KCNS2: variants seen among roughly 807,000 people sequenced by gnomAD.
KCNS2 encodes the protein potassium voltage-gated channel modifier subfamily S member 2.
KCNS2 carries 15 observed loss-of-function variants against 28.3 expected under a neutral mutation model. The observed-to-expected ratio is 0.53, with a 90% CI of 0.35 to 0.82. KCNS2 has a LOEUF of 0.82. Among genes scored for constraint, KCNS2 ranks in the 40% least tolerant of loss-of-function variants. The pLI is 0.01. For synonymous variants in KCNS2, 254 were observed against 256.7 expected, an observed-to-expected ratio of 0.99 and a Z score of 0.10; for missense variants, 501 against 617.1, an observed-to-expected ratio of 0.81 and a Z score of 1.99.
In KCNS2 at chr8:98,429,033, AAGG is replaced by A. The variant is rs1167347146; in HGVS notation, c.1060_1062del (p.Glu354del). On this transcript the variant is annotated inframe_deletion, in exon 2 of 2. Transcript: ENST00000287042. ...CTCCGTGGTGGCCTACACCATTGAA[AAGG>A]AGGAGAACGAGGGCCTGGCCACCAT... The A allele has an allele frequency of 1.2e-6, 2 of 1,613,626 alleles. No homozygotes were observed. The highest frequency in any genetic ancestry group is 1.7e-6 in the Non-Finnish European group (2 of 1,179,648).
chr8:98,429,612 G>A lies in KCNS2; in HGVS notation c.*199G>A. ...GTGGTGTGTCTGACACCATGCCTTT[G>A]CACCTTTCCATGAAATGACACTCAC... On this transcript the variant is annotated 3_prime_UTR_variant, in exon 2 of 2. Transcript: ENST00000287042. 1 of 548,178 alleles carries A rather than the reference G, an allele frequency of 1.8e-6. No homozygotes were observed. The highest frequency in any genetic ancestry group is 3.3e-6 in the Non-Finnish European group (1 of 304,210). The allele number at this position is 548,178 out of a possible 1,614,324, so 34.0% of individuals were successfully genotyped here. A position where few individuals can be genotyped will look rare whatever the true frequency, so the allele number is the denominator to read the frequency against.
Position 98,428,842 on chromosome 8 carries a change from C to T in KCNS2, c.863C>T (p.Ala288Val). Residue 288 changes from alanine to valine, a missense_variant, in exon 2 of 2, where the codon GCC becomes GTC. Transcript: ENST00000287042. This position sits in a 1 kb window ranked among gnomAD's most constrained non-coding sequence, Gnocchi z 6.7. Reference sequence around the variant, plus strand: ...GTGGTGGAGAGCACACCTACTTTAGCCAACTTGGGCAGGGTGGCCCAGGTC... The same window carrying T: ...GTGGTGGAGAGCACACCTACTTTAGTCAACTTGGGCAGGGTGGCCCAGGTC... ...NLVVESTPTL[A>V]NLGRVAQVLR... The T allele has an allele frequency of 1.2e-6, 2 of 1,614,150 alleles. No individual in the cohort carries two copies. Among genetic ancestry groups the T allele is most frequent in the Non-Finnish European group, 1.7e-6 (2 of 1,180,038 alleles).
Position 98,429,262 on chromosome 8 carries a change from G to A in KCNS2, c.1283G>A (p.Arg428His), listed in dbSNP as rs377211918. Residue 428 changes from arginine (R) to histidine (H), a missense_variant, in exon 2 of 2, where the codon CGC (arginine) becomes CAC (histidine). Physicochemically the swap from Arg to His is conservative, Grantham distance 29. Transcript: ENST00000287042. ...RRQKQLESAMRSCDFGDGMKE... is the reference protein window; with the variant it reads ...RRQKQLESAMHSCDFGDGMKE... ...CAAAAGCAACTTGAGAGTGCCATGC[G>A]CAGCTGTGACTTTGGAGATGGAATG... is the stretch of plus-strand genomic sequence containing the variant. 6.5e-5 allele frequency: 105 copies of A among 1,613,966 alleles called. No individual in the cohort carries two copies. The highest frequency in any genetic ancestry group is 1.6e-4 in the Middle Eastern group (1 of 6,084).
In KCNS2 at chr8:98,430,443, T is replaced by G. The variant is rs1241250352; in HGVS notation, c.*1030T>G. 1 of 167,086 alleles carries G rather than the reference T, an allele frequency of 6.0e-6. No homozygotes were observed. Among genetic ancestry groups the G allele is most frequent in the East Asian group, 1.9e-4 (1 of 5,208 alleles). The allele number at this position is 167,086 out of a possible 1,614,324, so 10.4% of individuals were successfully genotyped here. ...TGTATCGTCTCCCTGAGGTGAACGTTGTTGGGTTGCTAGCAAGGGCAGTAG... is the reference window on the plus strand; with the variant it reads ...TGTATCGTCTCCCTGAGGTGAACGTGGTTGGGTTGCTAGCAAGGGCAGTAG... On this transcript the variant is annotated 3_prime_UTR_variant, in exon 2 of 2. Coordinates refer to ENST00000287042, the MANE Select transcript of KCNS2 (RefSeq NM_020697.4).
At position 98,432,843 on chromosome 8, in the gene KCNS2, G is replaced by T. The variant is rs1407531078; in HGVS notation, c.*3430G>T. On this transcript the variant is annotated 3_prime_UTR_variant, in exon 2 of 2. Transcript: ENST00000287042. ...TACTGTGCAAGCATTGACACAGGCT[G>T]CACTGAACCATTATGTCTGATTGCT... is the stretch of plus-strand genomic sequence containing the variant. 1.8e-5 allele frequency: 3 copies of T among 166,592 alleles called. No homozygotes were observed. Among genetic ancestry groups the T allele is most frequent in the African/African-American group, 7.2e-5 (3 of 41,456 alleles). The allele number at this position is 166,592 out of a possible 1,614,324, so 10.3% of individuals were successfully genotyped here.
In KCNS2 at chr8:98,429,042, A is replaced by T. The variant is rs775985081; in HGVS notation, c.1063A>T (p.Asn355Tyr). ...VVAYTIEKEE[N>Y]EGLATIPACW... is the part of the protein sequence containing the mutation. ...GGCCTACACCATTGAAAAGGAGGAG[A>T]ACGAGGGCCTGGCCACCATCCCTGC... Residue 355 changes from asparagine (N) to tyrosine (Y), a missense_variant, in exon 2 of 2, where the codon AAC becomes TAC. Physicochemically the swap from Asn to Tyr is moderately radical, Grantham distance 143. Transcript: ENST00000287042. The T allele has an allele frequency of 1.9e-6, 3 of 1,613,076 alleles. No individual in the cohort carries two copies. The South Asian group carries it at 3.3e-5, about 18-fold the overall frequency.
In KCNS2 at chr8:98,429,362, C is replaced by T. The variant is rs1183433519; in HGVS notation, c.1383C>T (p.Asn461=). The change falls in exon 2 of 2, where the codon AAC becomes AAT. Residue 461 remains asparagine (N), a synonymous_variant. Coordinates refer to ENST00000287042, the MANE Select transcript of KCNS2 (RefSeq NM_020697.4). The stretch of plus-strand genomic sequence containing the variant: ...AATCCCTTATGGCAAGCCTGACGAA[C>T]ATGAGCAGGAGCTCACCAAGTGAAC... The part of the protein sequence containing the change: ...KVKSLMASLT[N]MSRSSPSELS... 1 of 1,614,092 alleles carries T rather than the reference C, an allele frequency of 6.2e-7. No individual in the cohort carries two copies. The highest frequency in any genetic ancestry group is 8.5e-7 in the Non-Finnish European group (1 of 1,179,942).
At chr8:98,427,407 T>A (rs1308383181) in intron 1 of KCNS2, 78 bp downstream of exon 1, 3 of 152,002 alleles carry the variant, frequency 2.0e-5, no homozygotes, top group Non-Finnish European at 4.4e-5. Context: ...CCCCGGGGCA[T>A]AGCGCCAGGC....
rs1322013787 is a variant in KCNS2 at position 98,428,530 on chromosome 8, T to C, written c.551T>C (p.Val184Ala). 3 of 1,614,170 alleles carry C rather than the reference T, an allele frequency of 1.9e-6. No homozygotes were observed. The Admixed American group carries it at 5.0e-5, about 27-fold the overall frequency. The change falls in exon 2 of 2, where the codon GTG becomes GCG. Residue 184 changes from valine (V) to alanine (A), a missense_variant. Physicochemically the swap from Val to Ala is moderately conservative, Grantham distance 64 (BLOSUM62 0). Coordinates refer to ENST00000287042, the MANE Select transcript of KCNS2 (RefSeq NM_020697.4). This position sits in a 1 kb window ranked among gnomAD's most constrained non-coding sequence, Gnocchi z 6.7. ...GCGCTGGACAACCCCGGCTACTCAG[T>C]GCTGAGCAGGGTCTTCAGCATCCTG... is the stretch of plus-strand genomic sequence containing the variant. Reference protein sequence around the residue: ...WLALDNPGYSVLSRVFSILSI... With the variant: ...WLALDNPGYSALSRVFSILSI...
At position 98,431,875 on chromosome 8, in the gene KCNS2, A is replaced by G. The variant is rs529210274; in HGVS notation, c.*2462A>G. On this transcript the variant is annotated 3_prime_UTR_variant, in exon 2 of 2. Coordinates refer to ENST00000287042, the MANE Select transcript of KCNS2 (RefSeq NM_020697.4). ...TACATATATACTTATATAAAATATT[A>G]TCTTGCCCAACTGGACCTTTACTCA... is the stretch of plus-strand genomic sequence containing the variant. 2 of 167,164 alleles carry G rather than the reference A, an allele frequency of 1.2e-5. No homozygotes were observed. Among genetic ancestry groups the G allele is most frequent in the South Asian group, 4.1e-4 (2 of 4,820 alleles). The allele number at this position is 167,164 out of a possible 1,614,324, so 10.4% of individuals were successfully genotyped here. A position where few individuals can be genotyped will look rare whatever the true frequency, so the allele number is the denominator to read the frequency against.
At position 98,432,267 on chromosome 8, in the gene KCNS2, A is replaced by G. The variant is rs115714999; in HGVS notation, c.*2854A>G. The G allele has an allele frequency of 1.0e-3, 174 of 167,164 alleles. No homozygotes were observed. Among genetic ancestry groups the G allele is most frequent in the African/African-American group, 3.6e-3 (150 of 41,594 alleles). 10.4% of individuals were successfully genotyped at this position (167,164 alleles called of 1,614,324 possible). ...TAAACCTCCTTTAGGGGGACAGAGT[A>G]GAAACTGGAGATGACTTGTTTCCAG... On this transcript the variant is annotated 3_prime_UTR_variant, in exon 2 of 2. Transcript: ENST00000287042.
At position 98,428,196 on chromosome 8, in the gene KCNS2, C is replaced by A. The variant is rs567295212; in HGVS notation, c.217C>A (p.Arg73Ser). 6 of 1,614,006 alleles carry A rather than the reference C, an allele frequency of 3.7e-6. No individual in the cohort carries two copies. The highest frequency in any genetic ancestry group is 5.1e-6 in the Non-Finnish European group (6 of 1,180,034). Residue 73 changes from arginine (R) to serine (S), a missense_variant, in exon 2 of 2, where the codon CGC becomes AGC. Arg to Ser is a moderately radical substitution (Grantham distance 110, BLOSUM62 -1). Coordinates refer to ENST00000287042, the MANE Select transcript of KCNS2 (RefSeq NM_020697.4). This position sits in a 1 kb window ranked among gnomAD's most constrained non-coding sequence, Gnocchi z 6.7. The stretch of plus-strand genomic sequence containing the variant: ...CGTCCAGCGGGAGTTCTACTTCGAC[C>A]GCAACCCTGAGCTCTTCCCCTACGT... Reference protein sequence around the residue: ...DDVQREFYFDRNPELFPYVLH... With the variant: ...DDVQREFYFDSNPELFPYVLH...
Position 98,429,133 on chromosome 8 carries a change from C to A in KCNS2, c.1154C>A (p.Thr385Lys), listed in dbSNP as rs201873843. 1.7e-5 allele frequency: 27 copies of A among 1,613,232 alleles called. No homozygotes were observed. Among genetic ancestry groups the A allele is most frequent in the African/African-American group, 2.7e-5 (2 of 74,890 alleles). The change falls in exon 2 of 2, where the codon ACG (threonine) becomes AAG (lysine). Residue 385 changes from threonine (T) to lysine (K), a missense_variant. Physicochemically the swap from Thr to Lys is moderately conservative, Grantham distance 78. Coordinates refer to ENST00000287042, the MANE Select transcript of KCNS2 (RefSeq NM_020697.4). ...TACGGGGATGTGGTCCCAGGGACCA[C>A]GGCAGGAAAGCTGACTGCCTCTGCC... ...VGYGDVVPGT[T>K]AGKLTASACI...
rs1249157897 is a variant in KCNS2 at position 98,428,564 on chromosome 8, G to T, written c.585G>T (p.Leu195=). The T allele has an allele frequency of 6.2e-7, 1 of 1,614,154 alleles. No homozygotes were observed. Among genetic ancestry groups the T allele is most frequent in the Non-Finnish European group, 8.5e-7 (1 of 1,180,042 alleles). ...GGGTCTTCAGCATCCTGTCCATCCT[G>T]GTGGTGATGGGGTCCATCATCACCA... ...LSRVFSILSI[L]VVMGSIITMC... is the part of the protein sequence containing the mutation. Residue 195 remains leucine (L), a synonymous_variant, in exon 2 of 2, where the codon CTG becomes CTT. Transcript: ENST00000287042. The surrounding 1 kb of genome is among the most constrained non-coding windows in gnomAD (Gnocchi z 6.7).
rs997560304 is a variant in KCNS2 at position 98,432,540 on chromosome 8, G to A, written c.*3127G>A. On this transcript the variant is annotated 3_prime_UTR_variant, in exon 2 of 2. Transcript: ENST00000287042. Reference sequence around the variant, plus strand: ...GTAATGCCAAGCTGATTTGTAGCTCGTAAGGTAGTAATTGGTATTTAACAT... The same window carrying A: ...GTAATGCCAAGCTGATTTGTAGCTCATAAGGTAGTAATTGGTATTTAACAT... 5.4e-5 allele frequency: 9 copies of A among 167,064 alleles called. No homozygotes were observed. Among genetic ancestry groups the A allele is most frequent in the African/African-American group, 1.7e-4 (7 of 41,440 alleles). The allele number at this position is 167,064 out of a possible 1,614,324, so 10.3% of individuals were successfully genotyped here. A position where few individuals can be genotyped will look rare whatever the true frequency, so the allele number is the denominator to read the frequency against.
rs774267335 is a variant in KCNS2 at position 98,428,102 on chromosome 8, G to A, written c.123G>A (p.Thr41=). 3 of 1,613,738 alleles carry A rather than the reference G, an allele frequency of 1.9e-6. No individual in the cohort carries two copies. Among genetic ancestry groups the A allele is most frequent in the South Asian group, 1.1e-5 (1 of 91,082 alleles). The change falls in exon 2 of 2, where the codon ACG becomes ACA. Residue 41 remains threonine (T), a synonymous_variant. Transcript: ENST00000287042. The surrounding 1 kb of genome is among the most constrained non-coding windows in gnomAD (Gnocchi z 6.7). ...ACACGCTGCTGCGCTTCCCCGAGAC[G>A]CGCCTGGGCCGCTTGCTGCTCTGCC... The part of the protein sequence containing the change: ...RSHTLLRFPE[T]RLGRLLLCHS...
In KCNS2 at chr8:98,429,269, T is replaced by A; in HGVS notation, c.1290T>A (p.Cys430Ter). ...QKQLESAMRS[C>*]DFGDGMKEVP... ...AACTTGAGAGTGCCATGCGCAGCTG[T>A]GACTTTGGAGATGGAATGAAGGAGG... The change falls in exon 2 of 2, where the codon TGT becomes TGA. Residue 430 changes from cysteine (C) to a stop codon, truncating the protein, a stop_gained. Transcript: ENST00000287042. LOFTEE classifies it high-confidence loss of function. 1 of 1,614,102 alleles carries A rather than the reference T, an allele frequency of 6.2e-7. No individual in the cohort carries two copies. Among genetic ancestry groups the A allele is most frequent in the Non-Finnish European group, 8.5e-7 (1 of 1,180,046 alleles).
chr8:98,429,444 T>C lies in KCNS2; in HGVS notation c.*31T>C. On this transcript the variant is annotated 3_prime_UTR_variant, in exon 2 of 2. Transcript: ENST00000287042. Reference sequence around the variant, plus strand: ...AGGACTTGTCACCCTCCACCCCACATTGCTGAGCTGCCTCTTGTGCCTCTG... The same window carrying C: ...AGGACTTGTCACCCTCCACCCCACACTGCTGAGCTGCCTCTTGTGCCTCTG... The C allele has an allele frequency of 6.7e-7, 1 of 1,489,258 alleles. No individual in the cohort carries two copies. Among genetic ancestry groups the C allele is most frequent in the Non-Finnish European group, 9.3e-7 (1 of 1,078,052 alleles). The allele number at this position is 1,489,258 out of a possible 1,614,324, so 92.3% of individuals were successfully genotyped here. A position where few individuals can be genotyped will look rare whatever the true frequency, so the allele number is the denominator to read the frequency against.
Position 98,429,742 on chromosome 8 carries a change from C to T in KCNS2, c.*329C>T, listed in dbSNP as rs886426742. The T allele has an allele frequency of 1.5e-5, 4 of 270,374 alleles. No individual in the cohort carries two copies. Among genetic ancestry groups the T allele is most frequent in the Admixed American group, 4.9e-5 (1 of 20,504 alleles). 16.7% of individuals were successfully genotyped at this position (270,374 alleles called of 1,614,324 possible). A position where few individuals can be genotyped will look rare whatever the true frequency, so the allele number is the denominator to read the frequency against. On this transcript the variant is annotated 3_prime_UTR_variant, in exon 2 of 2. Coordinates refer to ENST00000287042, the MANE Select transcript of KCNS2 (RefSeq NM_020697.4). ...GTGTACGCTATTCTAGTGCTTGTGGCCCAGTACTGTCTATGAGTTGTCGTG... is the reference window on the plus strand; with the variant it reads ...GTGTACGCTATTCTAGTGCTTGTGGTCCAGTACTGTCTATGAGTTGTCGTG...
Sources: allele counts gnomAD v4.1 joint callset, GRCh38; gene constraint gnomAD v4.1.1; non-coding constraint Gnocchi (gnomAD v3.1); transcripts MANE v1.5; gene names NCBI Gene and HGNC (gene_info 2026-07-23, HGNC 2026-07-21).